Variants in EPB41L2 observed in about 807,000 individuals in gnomAD.
EPB41L2 encodes the protein band 4.1-like protein 2.
In EPB41L2, 43 loss-of-function variants were observed where a neutral mutation model predicts 113.0. That is an observed-to-expected ratio of 0.38 (90% CI 0.30 to 0.49). The LOEUF (loss-of-function observed/expected upper bound fraction) is 0.49. EPB41L2 is among the 20% of genes least tolerant of loss of function. The pLI, the probability that EPB41L2 is intolerant of heterozygous loss-of-function variation, is 0.95. For synonymous variants in EPB41L2, 442 were observed against 436.7 expected, an observed-to-expected ratio of 1.01 and a Z score of -0.15; for missense variants, 1,147 against 1,223.4, an observed-to-expected ratio of 0.94 and a Z score of 0.93.
Position 130,878,152 on chromosome 6 carries a change from A to G in EPB41L2, c.1995T>C (p.Asn665=), listed in dbSNP as rs969239897. 6.2e-7 allele frequency: 1 copy of G among 1,613,472 alleles called. No individual in the cohort carries two copies. The highest frequency in any genetic ancestry group is 1.7e-5 in the Admixed American group (1 of 59,906). ...FMESTPEPRP[N]EWEKRRITPL... is the part of the protein sequence containing the mutation. ...GTGTGATACGTCGTTTTTCCCATTC[A>G]TTAGGGCGCGGCTCAGGTGTGGATT... Residue 665 remains asparagine, a synonymous_variant, in exon 14 of 20, where the codon AAT becomes AAC. Coordinates refer to ENST00000337057, the MANE Select transcript of EPB41L2 (RefSeq NM_001431.4).
At chr6:130,977,340 C>G (rs1036537329) in intron 1 of EPB41L2, among the ~76,000 whole-genome samples, 1 of 115,764 alleles carries the variant, frequency 8.6e-6, no homozygotes, top group Non-Finnish European at 1.7e-5. Flanking sequence ...AAATCTAAGG[C>G]CCAGCAGTTA....
rs1491579259 is a variant in EPB41L2 at position 130,890,475 on chromosome 6, GGA to G, written c.1488-11_1488-10del. The G allele has an allele frequency of 4.9e-3, 5,700 of 1,172,002 alleles. 2 individuals are homozygous for G. The highest frequency in any genetic ancestry group is 0.02 in the Admixed American group (468 of 23,684). The allele number at this position is 1,172,002 out of a possible 1,614,324, so 72.6% of individuals were successfully genotyped here. ...GCTCTGGAGAAACAAGCCTATGGGA[GGA>G]AAAAAAAAAAAAAAGAGAGAGAGAA... is the stretch of plus-strand genomic sequence containing the variant. On this transcript the variant is annotated splice_polypyrimidine_tract_variant and intron_variant, in intron 10 of 19. Coordinates refer to ENST00000337057, the MANE Select transcript of EPB41L2 (RefSeq NM_001431.4).
intron 1 of EPB41L2, among the ~76,000 whole-genome samples, chr6:131,049,083 C>A (rs1001433487): frequency 4.3e-4 from 65 of 152,224 alleles, no homozygotes; most frequent in African/African-American, 1.5e-3. Context: ...GCCACATCTG[C>A]ACCACATATG....
chr6:130,973,862 G>A (rs1350604660), intron 1 of EPB41L2, among the ~76,000 whole-genome samples: 1 of 152,104 alleles, frequency 6.6e-6, no homozygotes, highest in Non-Finnish European at 1.5e-5. Flanking sequence ...GGCACATGTC[G>A]TCAGGTATTC....
intron 12 of EPB41L2, chr6:130,880,526 G>C (rs1317109216): frequency 1.6e-6 from 1 of 622,130 alleles, no homozygotes; most frequent in South Asian, 1.9e-5. Context: ...GAAAGAAGGG[G>C]AGTATTAGTG....
At chr6:130,992,370 G>A (rs1444831123) in intron 1 of EPB41L2, among the ~76,000 whole-genome samples, 2 of 152,028 alleles carry the variant, frequency 1.3e-5, no homozygotes, top group African/African-American at 4.8e-5. Context: ...CAAATCCCTA[G>A]GGGAAAGCCA....
intron 1 of EPB41L2, among the ~76,000 whole-genome samples, chr6:131,031,998 T>A (rs1298170066): frequency 6.6e-6 from 1 of 152,140 alleles, no homozygotes; most frequent in Admixed American, 6.5e-5. Context: ...ACAGCAAATT[T>A]CAAAATGGCT....
chr6:130,972,517 A>C (rs1777095666), intron 1 of EPB41L2, among the ~76,000 whole-genome samples: 1 of 150,818 alleles, frequency 6.6e-6, no homozygotes, highest in African/African-American at 2.4e-5. Flanking sequence ...AGTACCAACC[A>C]CCCTTTACAT....
intron 11 of EPB41L2, 39 bp from the exon 12 acceptor site, chr6:130,885,307 A>G: frequency 3.1e-6 from 5 of 1,605,222 alleles, no homozygotes; most frequent in Non-Finnish European, 4.3e-6. Context: ...TTTAGGACAT[A>G]TGAATCATAA....
At chr6:130,929,832 G>A (rs1417016409) in intron 3 of EPB41L2, among the ~76,000 whole-genome samples, 1 of 144,432 alleles carries the variant, frequency 6.9e-6, no homozygotes, top group Non-Finnish European at 1.5e-5. Flanking sequence ...ACTTCCCTCA[G>A]GGAGATTAAA....
chr6:130,940,234 C>T (rs1810347521), intron 3 of EPB41L2, among the ~76,000 whole-genome samples: 1 of 152,090 alleles, frequency 6.6e-6, no homozygotes, highest in Non-Finnish European at 1.5e-5. Flanking sequence ...CCAAAGAAAG[C>T]CTGGATCAAA....
rs932203245 is a variant in EPB41L2, at chr6:130,957,881, C to T, written c.-14-1382G>A. 7.9e-5 allele frequency among the ~76,000 whole-genome samples: 12 copies of T among 152,314 alleles called. No homozygotes were observed. The East Asian group carries it at 1.7e-3, about 22-fold the overall frequency. On this transcript the variant is annotated intron_variant, in intron 1 of 19. Coordinates refer to ENST00000337057, the MANE Select transcript of EPB41L2 (RefSeq NM_001431.4). ...TTAGTAGTCACTCTGCATTCCCCGT[C>T]GCCCCCTGGCAACCTTACGAATATA...
chr6:130,884,366 CTATGA>C (rs1790256715), intron 12 of EPB41L2, among the ~76,000 whole-genome samples: 1 of 152,056 alleles, frequency 6.6e-6, no homozygotes, highest in South Asian at 2.1e-4. Context: ...ATAGAAAACA[CTATGA>C]AATCAATATG....
intron 1 of EPB41L2, among the ~76,000 whole-genome samples, chr6:131,040,363 C>T (rs1441352809): frequency 1.3e-5 from 2 of 152,134 alleles, no homozygotes; most frequent in Admixed American, 6.5e-5. Context: ...CGCTTGAAAC[C>T]AGAAGGCAGA....
intron 1 of EPB41L2, among the ~76,000 whole-genome samples, chr6:130,977,059 A>G (rs553610833): frequency 6.6e-6 from 1 of 152,342 alleles, no homozygotes; most frequent in South Asian, 2.1e-4. Context: ...GCTTACAATT[A>G]TAAGATCATT....
At chr6:130,954,614 C>T (rs1032410930) in intron 3 of EPB41L2, among the ~76,000 whole-genome samples, 10 of 152,032 alleles carry the variant, frequency 6.6e-5, no homozygotes, top group Admixed American at 2.6e-4. Context: ...GTACTAGATG[C>T]GTTAAAAGAT....
Position 130,998,149 on chromosome 6 carries a change from T to C in EPB41L2, c.-14-41650A>G, listed in dbSNP as rs150315511. 9.8e-5 allele frequency among the ~76,000 whole-genome samples: 15 copies of C among 152,330 alleles called. No homozygotes were observed. In the East Asian group the frequency reaches 2.9e-3, roughly 29 times the overall value. On this transcript the variant is annotated intron_variant, in intron 1 of 19. Coordinates refer to ENST00000337057, the MANE Select transcript of EPB41L2 (RefSeq NM_001431.4). ...TTTTATAAGTAAGGAAATTGAGTCT[T>C]AGAGATATAACATAGCTCAGCATCA...
intron 1 of EPB41L2, among the ~76,000 whole-genome samples, chr6:131,014,513 T>C (rs1339021078): frequency 3.9e-5 from 6 of 152,180 alleles, no homozygotes; most frequent in Non-Finnish European, 5.9e-5. Context: ...GAGAGTTGAA[T>C]GCCAAAATTC....
At chr6:130,854,847 CTAAG>C (rs1174039481) in intron 19 of EPB41L2, among the ~76,000 whole-genome samples, 1 of 152,144 alleles carries the variant, frequency 6.6e-6, no homozygotes, top group Non-Finnish European at 1.5e-5. Context: ...CTTCTGACTC[CTAAG>C]TAAGAATGCT....
Sources: gnomAD v4.1 joint callset for allele counts (sites outside exome capture counted in the v4.1 genomes callset) on GRCh38, gnomAD v4.1.1 for gene constraint, MANE v1.5 for transcripts, NCBI Gene and HGNC (gene_info 2026-07-23, HGNC 2026-07-21) for gene names.